The following MCM8 variants were observed in gnomAD, a reference collection of about 807,000 sequenced individuals.
MCM8 encodes DNA helicase MCM8.
In MCM8, 85 loss-of-function variants were observed where a neutral mutation model predicts 98.9. That is an observed-to-expected ratio of 0.86 (90% CI 0.72 to 1.03). MCM8 has a LOEUF of 1.03. MCM8 is among the 50% of genes least tolerant of loss of function. The pLI, the probability that MCM8 is intolerant of heterozygous loss-of-function variation, is 0.00. For synonymous variants in MCM8, 352 were observed against 338.6 expected (o/e 1.04, Z -0.44); for missense variants, 951 against 997.8 (o/e 0.95, Z 0.63).
intron 8 of MCM8, chr20:5,964,463 G>C (rs142680331): frequency 1.3e-5 from 2 of 152,176 alleles, no homozygotes; most frequent in Non-Finnish European, 2.9e-5. Flanking sequence ...GAGTATGATC[G>C]TGTGGCCTAT....
chr20:5,983,983 A>G (rs1434916396), intron 14 of MCM8, among the ~76,000 whole-genome samples: 6 of 152,234 alleles, frequency 3.9e-5, no homozygotes, highest in Non-Finnish European at 8.8e-5. Context: ...ATGGGGGAAC[A>G]TGTCTGTGCT....
At position 5,989,202 on chromosome 20, in the gene MCM8, C is replaced by T. The variant is rs775020651; in HGVS notation, c.2240+1844C>T. Among the ~76,000 whole-genome samples the T allele has an allele frequency of 3.4e-5, 5 of 145,570 alleles. No homozygotes were observed. The Admixed American group carries it at 3.5e-4, about 10-fold the overall frequency. ...TGTGATATTGGCTCACTGCAGCCTGCGCCCCCTGGGTTCAAGCAATTCTCC... is the reference window on the plus strand; with the variant it reads ...TGTGATATTGGCTCACTGCAGCCTGTGCCCCCTGGGTTCAAGCAATTCTCC... On this transcript the variant is annotated intron_variant, in intron 17 of 18. Coordinates refer to ENST00000610722, the MANE Select transcript of MCM8 (RefSeq NM_032485.6).
intron 11 of MCM8, 186 bp from the exon 12 acceptor site, chr20:5,972,870 G>T: frequency 7.4e-7 from 1 of 1,353,662 alleles, no homozygotes; most frequent in Non-Finnish European, 9.7e-7. Flanking sequence ...ATGTTTTCAA[G>T]TTTTTACTTT....
chr20:5,982,894 C>A, intron 13 of MCM8, 76 bp from the exon 14 acceptor site: 1 of 1,210,684 alleles, frequency 8.3e-7, no homozygotes, highest in Non-Finnish European at 1.2e-6. Flanking sequence ...TATTGTGAAA[C>A]AATTTCTATC....
At chr20:5,994,252 T>C in intron 18 of MCM8, 47 bp from the exon 19 acceptor site, 1 of 1,089,772 alleles carries the variant, frequency 9.2e-7, no homozygotes, top group Non-Finnish European at 1.3e-6. Flanking sequence ...AAAGTAATAT[T>C]TTGACATGTT....
chr20:5,963,628 T>G (rs756832251), intron 8 of MCM8, among the ~76,000 whole-genome samples: 1 of 150,920 alleles, frequency 6.6e-6, no homozygotes, highest in Non-Finnish European at 1.5e-5. Flanking sequence ...TCTGGGTTCA[T>G]GCCACTCTCC....
At chr20:5,956,094 A>G (rs957979703) in intron 5 of MCM8, among the ~76,000 whole-genome samples, 1 of 152,188 alleles carries the variant, frequency 6.6e-6, no homozygotes, top group Non-Finnish European at 1.5e-5. Flanking sequence ...TAGCAAACAG[A>G]TACATGCTTC....
intron 5 of MCM8, among the ~76,000 whole-genome samples, chr20:5,956,101 C>CT (rs1178421176): frequency 6.6e-6 from 1 of 152,198 alleles, no homozygotes; most frequent in African/African-American, 2.4e-5. Flanking sequence ...CAGATACATG[C>CT]TTCAAGGTAA....
Position 5,952,046 on chromosome 20 carries a change from G to T in MCM8, c.31G>T (p.Gly11Ter), listed in dbSNP as rs769750844. The T allele has an allele frequency of 1.2e-6, 2 of 1,614,038 alleles. No individual in the cohort carries two copies. Among genetic ancestry groups the T allele is most frequent in the Non-Finnish European group, 1.7e-6 (2 of 1,179,962 alleles). The stretch of plus-strand genomic sequence containing the variant: ...TGGAGAGTATAGAGGCAGAGGATTT[G>T]GACGAGGAAGATTTCAAAGCTGGAA... MNGEYRGRGF[G>*]RGRFQSWKRG... Residue 11 changes from glycine to a stop codon, truncating the protein, a stop_gained, in exon 2 of 19, where the codon GGA becomes TGA. Coordinates refer to ENST00000610722, the MANE Select transcript of MCM8 (RefSeq NM_032485.6). LOFTEE classifies it high-confidence loss of function.
At chr20:5,985,068 T>C (rs959150945) in intron 15 of MCM8, 68 bp downstream of exon 15, 24 of 1,318,360 alleles carry the variant, frequency 1.8e-5, no homozygotes, top group South Asian at 5.0e-5. Flanking sequence ...GTGTGGCTTA[T>C]TGTAGAGCAG....
intron 3 of MCM8, among the ~76,000 whole-genome samples, chr20:5,953,201 A>G (rs528312914): frequency 6.6e-6 from 1 of 152,222 alleles, no homozygotes; most frequent in African/African-American, 2.4e-5. Context: ...CAGAATTTAA[A>G]GAGAATCTGA....
Position 5,994,292 on chromosome 20 carries a change from C to T in MCM8, c.2431-7C>T, listed in dbSNP as rs764894930. On this transcript the variant is annotated splice_polypyrimidine_tract_variant and splice_region_variant and intron_variant, in intron 18 of 18. Coordinates refer to ENST00000610722, the MANE Select transcript of MCM8 (RefSeq NM_032485.6). ...AATGGGCTAAACCTTTTGATGTTTT[C>T]TTCCAGGTTGCTGATTTTGAAAATT... 15 of 1,575,314 alleles carry T rather than the reference C, an allele frequency of 9.5e-6. No individual in the cohort carries two copies. In the African/African-American group the frequency reaches 1.6e-4, roughly 17 times the overall value.
At position 5,994,466 on chromosome 20, in the gene MCM8, CACAG is replaced by C. The variant is rs1359493356; in HGVS notation, c.*87_*90del. On this transcript the variant is annotated 3_prime_UTR_variant, in exon 19 of 19. Transcript: ENST00000610722. ...ATCTCAGTGAAGATATGCGTGCACG[CACAG>C]ACAGACAGACACACACACACACACA... 1,222 of 693,568 alleles carry C rather than the reference CACAG, an allele frequency of 1.8e-3. 10 individuals are homozygous for C. The East Asian group carries it at 0.025, about 14-fold the overall frequency. The allele number at this position is 693,568 out of a possible 1,614,324, so 43.0% of individuals were successfully genotyped here. A position where few individuals can be genotyped will look rare whatever the true frequency, so the allele number is the denominator to read the frequency against.
rs1439738792 is a variant in MCM8, at chr20:5,997,727, C to T, written c.*3336C>T. On this transcript the variant is annotated 3_prime_UTR_variant, in exon 19 of 19. Coordinates refer to ENST00000610722, the MANE Select transcript of MCM8 (RefSeq NM_032485.6). ...CAAGCAATCCTCCTACCTCAGCCTCCTGAGTAGCTGGAACTACAGGAATGC... is the reference window on the plus strand; with the variant it reads ...CAAGCAATCCTCCTACCTCAGCCTCTTGAGTAGCTGGAACTACAGGAATGC... The T allele has an allele frequency of 6.6e-6, 1 of 152,308 alleles. No homozygotes were observed. The highest frequency in any genetic ancestry group is 2.4e-5 in the African/African-American group (1 of 41,454). The allele number at this position is 152,308 out of a possible 1,614,324, so 9.4% of individuals were successfully genotyped here.
Position 5,994,399 on chromosome 20 carries a change from T to G in MCM8, c.*8T>G. On this transcript the variant is annotated 3_prime_UTR_variant, in exon 19 of 19. Coordinates refer to ENST00000610722, the MANE Select transcript of MCM8 (RefSeq NM_032485.6). ...CAGCTTCAAACTATGTAAAAGGACT[T>G]CACCAAGTTAGGGCCTCCTGGGTTT... 1 of 1,577,454 alleles carries G rather than the reference T, an allele frequency of 6.3e-7. No individual in the cohort carries two copies. The highest frequency in any genetic ancestry group is 8.6e-7 in the Non-Finnish European group (1 of 1,157,022).
At chr20:5,979,805 T>C (rs895560188) in intron 13 of MCM8, among the ~76,000 whole-genome samples, 5 of 152,218 alleles carry the variant, frequency 3.3e-5, no homozygotes, top group African/African-American at 9.6e-5. Flanking sequence ...TCATTAAAAA[T>C]TAGATTGTGT....
At chr20:5,955,326 T>G (rs951891586) in intron 5 of MCM8, 75 bp downstream of exon 5, 1 of 1,384,916 alleles carries the variant, frequency 7.2e-7, no homozygotes, top group African/African-American at 1.4e-5. Flanking sequence ...CTTGTCTAAG[T>G]TTAAAGGAAG....
chr20:5,982,979 G>C lies in MCM8; in HGVS notation c.1547G>C (p.Gly516Ala), dbSNP rs1194898175. 6.2e-7 allele frequency: 1 copy of C among 1,609,566 alleles called. No homozygotes were observed. Among genetic ancestry groups the C allele is most frequent in the Non-Finnish European group, 8.5e-7 (1 of 1,178,816 alleles). Residue 516 changes from glycine (G) to alanine (A), a missense_variant, in exon 14 of 19, where the codon GGA (glycine) becomes GCA (alanine). Coordinates refer to ENST00000610722, the MANE Select transcript of MCM8 (RefSeq NM_032485.6). ...ALVLGDQGIC[G>A]IDEFDKMGNQ... ...TCTACTTCGATTGTAGGTATTTGTG[G>C]AATCGATGAATTTGATAAGATGGGG...
intron 8 of MCM8, chr20:5,965,555 T>C (rs1269917397): frequency 6.6e-6 from 1 of 152,174 alleles, no homozygotes; most frequent in African/African-American, 2.4e-5. Context: ...ACCAAATGAA[T>C]GATCAAATGC....
Sources: gnomAD v4.1 joint callset for allele counts (sites outside exome capture counted in the v4.1 genomes callset) on GRCh38, gnomAD v4.1.1 for gene constraint, MANE v1.5 for transcripts, NCBI Gene and HGNC (gene_info 2026-07-23, HGNC 2026-07-21) for gene names.